Variants in PRKCD observed in about 807,000 individuals in gnomAD.
The protein encoded by PRKCD is protein kinase C delta type.
Under a neutral mutation model 82.2 loss-of-function variants are expected in PRKCD, and 20 were observed. The ratio of observed to expected loss-of-function variants is 0.24; its 90% confidence interval spans 0.17 to 0.35. The LOEUF is 0.35. Among genes scored for constraint, PRKCD ranks in the 10% least tolerant of loss-of-function variants. PRKCD has a pLI of 1.00. For missense variants in PRKCD, 607 were observed against 899.0 expected, an observed-to-expected ratio of 0.68 and a Z score of 4.15; for synonymous variants, 317 against 337.0, an observed-to-expected ratio of 0.94 and a Z score of 0.65.
chr3:53,181,901 C>T (rs1703458743), intron 7 of PRKCD, 169 bp downstream of exon 7: 1 of 1,028,060 alleles, frequency 9.7e-7, no homozygotes, highest in South Asian at 1.4e-5. Context: ...TGGCTTGCTG[C>T]TGCTCTGGAA....
chr3:53,185,453 G>A (rs1169109180), intron 10 of PRKCD, 151 bp from the exon 11 acceptor site: 5 of 666,682 alleles, frequency 7.5e-6, no homozygotes, highest in East Asian at 2.6e-5. Context: ...GTGCGTGTGT[G>A]TACACGCAGC....
chr3:53,182,012 G>T, intron 7 of PRKCD: 1 of 616,936 alleles, frequency 1.6e-6, no homozygotes, highest in Non-Finnish European at 3.0e-6. Context: ...ACCAGCCCAG[G>T]CCATGCACCA....
chr3:53,179,837 CGTGCATGT>C, intron 4 of PRKCD, 61 bp downstream of exon 4: 1 of 1,532,182 alleles, frequency 6.5e-7, no homozygotes, highest in South Asian at 1.2e-5. Flanking sequence ...TGTGTGCATG[CGTGCATGT>C]GTGTGCGTGC....
chr3:53,171,436 C>T (rs1439135950), intron 2 of PRKCD, among the ~76,000 whole-genome samples: 1 of 152,250 alleles, frequency 6.6e-6, no homozygotes, highest in Non-Finnish European at 1.5e-5. Flanking sequence ...CTGCTGACCC[C>T]TCAGATCGAA....
At position 53,183,214 on chromosome 3, in the gene PRKCD, T is replaced by G; in HGVS notation, c.657+8T>G. The G allele has an allele frequency of 6.2e-7, 1 of 1,613,722 alleles. No individual in the cohort carries two copies. The highest frequency in any genetic ancestry group is 8.5e-7 in the Non-Finnish European group (1 of 1,179,718). ...AACAGCCGGGACACTATAGTGAGCC[T>G]GGGTCCGGGGCAGGGCTGGGGATCT... On this transcript the variant is annotated splice_region_variant and intron_variant, in intron 8 of 18. Transcript: ENST00000330452.
intron 1 of PRKCD, among the ~76,000 whole-genome samples, chr3:53,161,838 C>G (rs1575519219): frequency 6.7e-6 from 1 of 149,158 alleles, no homozygotes; most frequent in Admixed American, 6.6e-5. Context: ...TTGCCCTCCG[C>G]GTGCTCCATC....
At chr3:53,188,110 C>G (rs1301389159) in intron 15 of PRKCD, among the ~76,000 whole-genome samples, 2 of 134,428 alleles carry the variant, frequency 1.5e-5, no homozygotes, top group Non-Finnish European at 3.1e-5. Flanking sequence ...ATTGCTTGAA[C>G]CCGGGAGGCG....
intron 1 of PRKCD, among the ~76,000 whole-genome samples, chr3:53,164,586 A>C (rs1483807112): frequency 7.1e-6 from 1 of 141,628 alleles, no homozygotes; most frequent in Non-Finnish European, 1.5e-5. Flanking sequence ...CTGCCACATT[A>C]AAAAAAAAAA....
At chr3:53,189,299 T>A in intron 17 of PRKCD, 53 bp downstream of exon 17, 1 of 1,521,566 alleles carries the variant, frequency 6.6e-7, no homozygotes, top group Non-Finnish European at 8.8e-7. Context: ...GGGCAGGGGC[T>A]GGCAGACACT....
intron 2 of PRKCD, among the ~76,000 whole-genome samples, chr3:53,174,682 G>C (rs1362158221): frequency 6.6e-6 from 1 of 152,172 alleles, no homozygotes; most frequent in Non-Finnish European, 1.5e-5. Flanking sequence ...TGGGGCTCTG[G>C]GTAGTACAAA....
intron 1 of PRKCD, among the ~76,000 whole-genome samples, chr3:53,163,712 C>T (rs1263146161): frequency 1.3e-5 from 2 of 152,138 alleles, no homozygotes; most frequent in Admixed American, 1.3e-4. Flanking sequence ...TCCCATTCTC[C>T]TGGGAGCTGG....
chr3:53,192,536 G>T lies in PRKCD; in HGVS notation c.*270G>T. On this transcript the variant is annotated 3_prime_UTR_variant, in exon 19 of 19. Transcript: ENST00000330452. ...ATTGAAAATATATATTATATACATA[G>T]ACATATATATATATATAATAGGCTG... is the stretch of plus-strand genomic sequence containing the variant. The T allele has an allele frequency of 4.8e-6, 1 of 210,240 alleles. No homozygotes were observed. The highest frequency in any genetic ancestry group is 9.4e-6 in the Non-Finnish European group (1 of 106,416). The allele number at this position is 210,240 out of a possible 1,614,324, so 13.0% of individuals were successfully genotyped here.
Position 53,192,250 on chromosome 3 carries a change from A to G in PRKCD, c.2015A>G (p.His672Arg). Residue 672 changes from histidine (H) to arginine (R), a missense_variant, in exon 19 of 19, where the codon CAC becomes CGC. This residue lies in a region of PRKCD where 251 missense variants were observed against 423.9 expected (regional missense o/e 0.59). Transcript: ENST00000330452. ...TCCTTTGTGAACCCCAAATTCGAGC[A>G]CCTCCTGGAAGATTGAGGTTCCTGG... ...GFSFVNPKFE[H>R]LLED is the part of the protein sequence containing the mutation. The G allele has an allele frequency of 6.2e-7, 1 of 1,613,844 alleles. No individual in the cohort carries two copies. Among genetic ancestry groups the G allele is most frequent in the East Asian group, 2.2e-5 (1 of 44,878 alleles).
At chr3:53,175,375 A>G (rs565556888) in intron 2 of PRKCD, among the ~76,000 whole-genome samples, 2 of 152,192 alleles carry the variant, frequency 1.3e-5, no homozygotes, top group African/African-American at 2.4e-5. Context: ...TGGTAAGAGG[A>G]ACCCCCTCCC....
rs1553669045 is a variant in PRKCD at position 53,186,259 on chromosome 3, C to T, written c.1179C>T (p.Cys393=). The T allele has an allele frequency of 1.9e-6, 3 of 1,614,174 alleles. No individual in the cohort carries two copies. Among genetic ancestry groups the T allele is most frequent in the Non-Finnish European group, 2.5e-6 (3 of 1,180,018 alleles). The part of the protein sequence containing the change: ...DVVLIDDDVE[C]TMVEKRVLTL... ...TCCTGATCGACGACGACGTGGAGTG[C>T]ACCATGGTTGAGAAGCGGGTGCTGA... Residue 393 remains cysteine (C), a synonymous_variant, in exon 13 of 19, where the codon TGC becomes TGT. Coordinates refer to ENST00000330452, the MANE Select transcript of PRKCD (RefSeq NM_006254.4).
intron 10 of PRKCD, 63 bp downstream of exon 10, chr3:53,185,037 C>A: frequency 6.9e-7 from 1 of 1,441,214 alleles, no homozygotes; most frequent in Non-Finnish European, 9.8e-7. Context: ...TCAAGGCTTA[C>A]AGCCACTGCT....
At chr3:53,177,808 G>T (rs1466325192) in intron 2 of PRKCD, among the ~76,000 whole-genome samples, 1 of 152,086 alleles carries the variant, frequency 6.6e-6, no homozygotes, top group Non-Finnish European at 1.5e-5. Context: ...CCTGGCCTGG[G>T]GTAGATTGAT....
intron 13 of PRKCD, 130 bp downstream of exon 13, chr3:53,186,470 C>T: frequency 4.3e-6 from 6 of 1,387,384 alleles, no homozygotes; most frequent in South Asian, 1.3e-5. Flanking sequence ...CCCCTCATGC[C>T]TCCCAGGGCA....
Position 53,169,369 on chromosome 3 carries a change from T to C in PRKCD, c.-20+4154T>C, listed in dbSNP as rs1037687843. 6.6e-6 allele frequency among the ~76,000 whole-genome samples: 1 copy of C among 150,920 alleles called. No individual in the cohort carries two copies. The highest frequency in any genetic ancestry group is 2.4e-5 in the African/African-American group (1 of 40,920). On this transcript the variant is annotated intron_variant, in intron 2 of 18. Transcript: ENST00000330452. This position sits in a 1 kb window ranked among gnomAD's most constrained non-coding sequence, Gnocchi z 4.7. ...AGGGCTCAACAGGCCTTCTAAGGGG[T>C]GGGGGAGCATTTGAGAGGCCCACGA...
Sources: gnomAD v4.1 joint callset for allele counts (sites outside exome capture counted in the v4.1 genomes callset) on GRCh38, gnomAD v4.1.1 for gene constraint, gnomAD v4.1.1 regional missense constraint, Gnocchi (gnomAD v3.1) non-coding constraint, MANE v1.5 for transcripts, NCBI Gene and HGNC (gene_info 2026-07-23, HGNC 2026-07-21) for gene names.